SPOCK1: variants seen among roughly 807,000 people sequenced by gnomAD.
SPOCK1 encodes the protein testican-1.
Under a neutral mutation model 55.3 loss-of-function variants are expected in SPOCK1, and 23 were observed. The observed-to-expected ratio is 0.42, with a 90% CI of 0.30 to 0.59. SPOCK1 has a LOEUF of 0.59. Ranked by LOEUF, SPOCK1 falls within the 20% of genes least tolerant of loss-of-function variation. The pLI is 0.22. For missense variants in SPOCK1, 499 were observed against 552.5 expected (o/e 0.90, Z 0.97); for synonymous variants, 226 against 221.0 (o/e 1.02, Z -0.20).
At chr5:137,479,371 G>C (rs569456445) in intron 2 of SPOCK1, among the ~76,000 whole-genome samples, 1 of 152,182 alleles carries the variant, frequency 6.6e-6, no homozygotes, top group Admixed American at 6.5e-5. Flanking sequence ...ATATCCATCC[G>C]TCCATGAGGA....
intron 5 of SPOCK1, among the ~76,000 whole-genome samples, chr5:137,095,960 G>A (rs1465242506): frequency 7.9e-6 from 1 of 126,446 alleles, no homozygotes; most frequent in Non-Finnish European, 1.6e-5. Flanking sequence ...TAATAGCACA[G>A]AAGAATCTGG....
intron 2 of SPOCK1, among the ~76,000 whole-genome samples, chr5:137,427,207 C>T (rs1032249925): frequency 6.6e-5 from 10 of 152,172 alleles, no homozygotes; most frequent in African/African-American, 2.4e-4. Flanking sequence ...TCCCCCAACC[C>T]ACTGAGGTGC....
chr5:137,487,211 C>G (rs1457776495), intron 2 of SPOCK1, among the ~76,000 whole-genome samples: 1 of 151,560 alleles, frequency 6.6e-6, no homozygotes, highest in East Asian at 1.9e-4. Flanking sequence ...AGAGTTTGTT[C>G]AGTGGGAATA....
chr5:137,224,974 G>C (rs1354828258), intron 3 of SPOCK1, among the ~76,000 whole-genome samples: 1 of 152,030 alleles, frequency 6.6e-6, no homozygotes, highest in African/African-American at 2.4e-5. Flanking sequence ...CATTTTCTTG[G>C]TTCCTGTTTA....
intron 9 of SPOCK1, 40 bp from the exon 10 acceptor site, chr5:136,979,509 AGAT>A: frequency 6.6e-7 from 1 of 1,511,192 alleles, no homozygotes; most frequent in Non-Finnish European, 8.9e-7. Flanking sequence ...AGAGACATGC[AGAT>A]GATACTCGGG....
intron 4 of SPOCK1, among the ~76,000 whole-genome samples, chr5:137,136,302 G>T (rs4422525): frequency 6.6e-6 from 1 of 151,860 alleles, no homozygotes; most frequent in Admixed American, 6.6e-5. Context: ...TGATTAAAAT[G>T]TATAACTATA....
At chr5:137,408,385 C>T (rs1282467602) in intron 2 of SPOCK1, among the ~76,000 whole-genome samples, 1 of 152,168 alleles carries the variant, frequency 6.6e-6, no homozygotes, top group African/African-American at 2.4e-5. Context: ...ATAGGCCCAA[C>T]CATGATGCCC....
chr5:137,301,212 G>A (rs1338403672), intron 2 of SPOCK1, among the ~76,000 whole-genome samples: 1 of 152,198 alleles, frequency 6.6e-6, no homozygotes, highest in African/African-American at 2.4e-5. Context: ...AGGAAAGGGG[G>A]AATGCCTCTG....
At chr5:137,003,412 T>C (rs999113900) in intron 6 of SPOCK1, among the ~76,000 whole-genome samples, 1 of 152,152 alleles carries the variant, frequency 6.6e-6, no homozygotes, top group Admixed American at 6.5e-5. Flanking sequence ...AATAAATAAA[T>C]CATAAGTTGT....
chr5:137,057,481 T>C (rs1388931902), intron 6 of SPOCK1, among the ~76,000 whole-genome samples: 1 of 152,234 alleles, frequency 6.6e-6, no homozygotes, highest in African/African-American at 2.4e-5. Flanking sequence ...GTGACATTCC[T>C]GCTTTATATG....
At chr5:137,335,402 G>A (rs1447362037) in intron 2 of SPOCK1, among the ~76,000 whole-genome samples, 1 of 152,172 alleles carries the variant, frequency 6.6e-6, no homozygotes, top group Non-Finnish European at 1.5e-5. Flanking sequence ...TTATGTAGTG[G>A]AATGACAGGT....
intron 2 of SPOCK1, among the ~76,000 whole-genome samples, chr5:137,269,206 A>T (rs1300643878): frequency 6.6e-6 from 1 of 152,222 alleles, no homozygotes; most frequent in East Asian, 1.9e-4. Context: ...ATTGCTGCCA[A>T]AATGTGAAAG....
At chr5:137,356,830 T>TAGAGAGAGAG (rs1374423446) in intron 2 of SPOCK1, among the ~76,000 whole-genome samples, 7 of 11,990 alleles carry the variant, frequency 5.8e-4, no homozygotes, top group Admixed American at 8.1e-4. Flanking sequence ...TATATATATA[T>TAGAGAGAGAG]ATATATATAG....
intron 4 of SPOCK1, among the ~76,000 whole-genome samples, chr5:137,129,309 C>T (rs1753831744): frequency 6.6e-6 from 1 of 152,202 alleles, no homozygotes; most frequent in Non-Finnish European, 1.5e-5. Flanking sequence ...CTCCTCTCTG[C>T]CTTGCTGGTA....
Position 137,346,475 on chromosome 5 carries a change from A to G in SPOCK1, c.187-79420T>C, listed in dbSNP as rs181619832. On this transcript the variant is annotated intron_variant, in intron 2 of 10. Coordinates refer to ENST00000394945, the MANE Select transcript of SPOCK1 (RefSeq NM_004598.4). The stretch of plus-strand genomic sequence containing the variant: ...AGGAAGTCAGAACAGGGAGGAGAAA[A>G]AGACCGAGATAATCAGCCCTTGATT... Among the ~76,000 whole-genome samples, 6 of 152,332 alleles carry G rather than the reference A, an allele frequency of 3.9e-5. No individual in the cohort carries two copies. In the East Asian group the frequency reaches 9.6e-4, roughly 24 times the overall value.
chr5:137,072,411 A>AT (rs1220273156), intron 5 of SPOCK1, among the ~76,000 whole-genome samples: 1 of 152,196 alleles, frequency 6.6e-6, no homozygotes, highest in Non-Finnish European at 1.5e-5. Flanking sequence ...TAAAACAGAG[A>AT]TGCCTGCCTG....
intron 3 of SPOCK1, among the ~76,000 whole-genome samples, chr5:137,141,080 A>C (rs1247933039): frequency 1.3e-5 from 2 of 152,174 alleles, no homozygotes; most frequent in Non-Finnish European, 2.9e-5. Context: ...TTTCTACTTA[A>C]ATAAACAGAT....
intron 2 of SPOCK1, among the ~76,000 whole-genome samples, chr5:137,317,299 T>C (rs1470354244): frequency 1.3e-5 from 2 of 152,242 alleles, no homozygotes; most frequent in Non-Finnish European, 2.9e-5. Context: ...GTGAAATTGC[T>C]GGAAGCCTTT....
intron 2 of SPOCK1, among the ~76,000 whole-genome samples, chr5:137,347,958 C>T (rs894297064): frequency 7.9e-5 from 12 of 152,148 alleles, no homozygotes; most frequent in African/African-American, 2.9e-4. Context: ...TGTTAAAATG[C>T]ACATTCTGAT....
Sources: allele counts gnomAD v4.1 joint callset (sites outside exome capture counted in the v4.1 genomes callset), GRCh38; gene constraint gnomAD v4.1.1; transcripts MANE v1.5; gene names NCBI Gene and HGNC (gene_info 2026-07-23, HGNC 2026-07-21).